NLGN1: variants seen among roughly 807,000 people sequenced by gnomAD.
NLGN1 encodes neuroligin-1.
Under a neutral mutation model 65.5 loss-of-function variants are expected in NLGN1, and 12 were observed. The observed-to-expected ratio is 0.18, with a 90% CI of 0.12 to 0.30. The LOEUF is 0.30. Among genes scored for constraint, NLGN1 ranks in the 10% least tolerant of loss-of-function variants. The probability of loss-of-function intolerance (pLI) is 1.00; values close to 1 mark genes in which losing one functional copy is unlikely to be tolerated. For synonymous variants in NLGN1, 350 were observed against 359.5 expected, an observed-to-expected ratio of 0.97 and a Z score of 0.30; for missense variants, 750 against 1,007.1, an observed-to-expected ratio of 0.74 and a Z score of 3.46.
chr3:173,427,608 T>A (rs1051847798), intron 1 of NLGN1, among the ~76,000 whole-genome samples: 2 of 151,962 alleles, frequency 1.3e-5, no homozygotes, highest in Non-Finnish European at 2.9e-5. Context: ...TTTTCATGTA[T>A]CTGTGCAATT....
chr3:174,184,007 A>G (rs1730941471), intron 4 of NLGN1, among the ~76,000 whole-genome samples: 1 of 152,206 alleles, frequency 6.6e-6, no homozygotes, highest in Admixed American at 6.6e-5. Context: ...CAATTAAAAG[A>G]TAATCCTGAA....
At chr3:173,518,344 A>G (rs1187061680) in intron 2 of NLGN1, among the ~76,000 whole-genome samples, 1 of 151,612 alleles carries the variant, frequency 6.6e-6, no homozygotes, top group Non-Finnish European at 1.5e-5. Flanking sequence ...CTAGTGAGCT[A>G]GGGATTTTTT....
chr3:173,834,430 A>T (rs1243279216), intron 4 of NLGN1, among the ~76,000 whole-genome samples: 1 of 152,086 alleles, frequency 6.6e-6, no homozygotes, highest in Non-Finnish European at 1.5e-5. Context: ...AATTCCATTA[A>T]ATATTTAGGA....
chr3:173,534,446 C>T (rs1011647978), intron 2 of NLGN1, among the ~76,000 whole-genome samples: 2 of 152,170 alleles, frequency 1.3e-5, no homozygotes, highest in African/African-American at 4.8e-5. Flanking sequence ...AGCTGGGTCT[C>T]TGTCTTCAAT....
intron 4 of NLGN1, among the ~76,000 whole-genome samples, chr3:173,886,314 T>A (rs1734321659): frequency 6.6e-6 from 1 of 152,134 alleles, no homozygotes; most frequent in South Asian, 2.1e-4. Flanking sequence ...GAGTATTTTT[T>A]TCTCATTTTT....
At chr3:173,698,410 T>G (rs1333698300) in intron 3 of NLGN1, among the ~76,000 whole-genome samples, 1 of 152,210 alleles carries the variant, frequency 6.6e-6, no homozygotes, top group Non-Finnish European at 1.5e-5. Flanking sequence ...ACAGACCACC[T>G]AAACCATTTC....
chr3:174,074,109 C>A (rs1294913687), intron 4 of NLGN1, among the ~76,000 whole-genome samples: 1 of 152,092 alleles, frequency 6.6e-6, no homozygotes, highest in Non-Finnish European at 1.5e-5. Context: ...ATGTTTGTAA[C>A]ATAAGCTTGT....
intron 4 of NLGN1, among the ~76,000 whole-genome samples, chr3:173,839,401 GTTTGTTTTTTTGTTTGT>G (rs1327164042): frequency 4.0e-5 from 6 of 150,362 alleles, no homozygotes; most frequent in Non-Finnish European, 8.9e-5. Flanking sequence ...GAAGTTTTTT[GTTTGTTTTTTTGTTTGT>G]TTTGTTTTTT....
At chr3:174,272,684 T>TAGAC (rs1489635253) in intron 4 of NLGN1, among the ~76,000 whole-genome samples, 15 of 149,702 alleles carry the variant, frequency 1.0e-4, no homozygotes, top group Non-Finnish European at 2.1e-4. Flanking sequence ...GATAGATAGA[T>TAGAC]AGATAGATAG....
chr3:173,451,106 G>C (rs1721424221), intron 2 of NLGN1, among the ~76,000 whole-genome samples: 2 of 152,172 alleles, frequency 1.3e-5, no homozygotes, highest in Admixed American at 1.3e-4. Context: ...TGCTGGTGAG[G>C]AGCTGCATTC....
chr3:174,054,570 A>G (rs1470192570), intron 4 of NLGN1, among the ~76,000 whole-genome samples: 2 of 151,826 alleles, frequency 1.3e-5, no homozygotes, highest in African/African-American at 4.8e-5. Context: ...TGCTTTTCAA[A>G]TTGTGTGGAA....
chr3:174,036,724 A>C lies in NLGN1; in HGVS notation c.646+228892A>C, dbSNP rs571004404. ...TCAGGTATTAAGCCTAGTCCCCATT[A>C]GTTATTTTTTCAGATCCTCTCCCTC... On this transcript the variant is annotated intron_variant, in intron 4 of 6. Coordinates refer to ENST00000457714, the Ensembl canonical transcript of NLGN1. Among the ~76,000 whole-genome samples the C allele has an allele frequency of 2.8e-4, 42 of 151,864 alleles. 1 individual carries two copies. The highest frequency in any genetic ancestry group is 7.5e-4 in the African/African-American group (31 of 41,412).
intron 4 of NLGN1, among the ~76,000 whole-genome samples, chr3:173,911,454 T>A (rs1159784111): frequency 3.9e-5 from 6 of 152,204 alleles, no homozygotes; most frequent in Non-Finnish European, 8.8e-5. Flanking sequence ...AAATATTAAT[T>A]TCCTTTTTCT....
chr3:173,600,908 T>C (rs988802728), intron 2 of NLGN1, among the ~76,000 whole-genome samples: 1 of 151,982 alleles, frequency 6.6e-6, no homozygotes, highest in African/African-American at 2.4e-5. Context: ...TCTAATGTTC[T>C]CCCTACTCCT....
rs66538676 is a variant in NLGN1 at position 173,995,665 on chromosome 3, C to CT, written c.646+187845dup. Among the ~76,000 whole-genome samples the CT allele has an allele frequency of 9.0e-4, 126 of 139,578 alleles. 1 individual carries two copies. The highest frequency in any genetic ancestry group is 1.0e-3 in the East Asian group (5 of 4,786). The allele number at this position is 139,578 out of a possible 152,430, so 91.6% of individuals were successfully genotyped here. A position where few individuals can be genotyped will look rare whatever the true frequency, so the allele number is the denominator to read the frequency against. ...GTTTTTTTTTTCTTTTTCTTTCATTCTTTTTTTTTTTTCTTTCCTTTTATT... is the reference window on the plus strand; with the variant it reads ...GTTTTTTTTTTCTTTTTCTTTCATTCTTTTTTTTTTTTTCTTTCCTTTTATT... On this transcript the variant is annotated intron_variant, in intron 4 of 6. Transcript: ENST00000457714.
At chr3:173,399,930 T>C (rs1490410838) in intron 1 of NLGN1, 1 of 152,228 alleles carries the variant, frequency 6.6e-6, no homozygotes, top group Non-Finnish European at 1.5e-5. Flanking sequence ...TGGGTTTTCA[T>C]GTATTGAAAC....
chr3:174,048,323 C>T (rs1047375916), intron 4 of NLGN1, among the ~76,000 whole-genome samples: 6 of 151,846 alleles, frequency 4.0e-5, no homozygotes, highest in African/African-American at 1.2e-4. Flanking sequence ...GTTTAGTTTC[C>T]TCATCTGCAC....
At chr3:174,266,000 A>G (rs1218897872) in intron 4 of NLGN1, among the ~76,000 whole-genome samples, 2 of 147,714 alleles carry the variant, frequency 1.4e-5, no homozygotes, top group African/African-American at 5.0e-5. Context: ...GTATATATAT[A>G]TTGCCCTCAG....
chr3:174,023,327 G>C (rs1419520478), intron 4 of NLGN1, among the ~76,000 whole-genome samples: 2 of 152,182 alleles, frequency 1.3e-5, no homozygotes, highest in Non-Finnish European at 2.9e-5. Context: ...ACAAACCTAG[G>C]ATCTGCAGGA....
Sources: gnomAD v4.1 joint callset for allele counts (sites outside exome capture counted in the v4.1 genomes callset) on GRCh38, gnomAD v4.1.1 for gene constraint, MANE v1.5 for transcripts, NCBI Gene and HGNC (gene_info 2026-07-23, HGNC 2026-07-21) for gene names.